MAF: variants seen among roughly 807,000 people sequenced by gnomAD.
MAF encodes transcription factor Maf.
MAF carries 10 observed loss-of-function variants against 22.0 expected under a neutral mutation model. The observed-to-expected ratio is 0.45, with a 90% CI of 0.28 to 0.77. The LOEUF (loss-of-function observed/expected upper bound fraction) is 0.77, where lower values mean the gene tolerates loss of function less well. Among genes scored for constraint, MAF ranks in the 30% least tolerant of loss-of-function variants. The pLI is 0.12. For missense variants in MAF, 544 were observed against 548.4 expected (o/e 0.99, Z 0.08); for synonymous variants, 337 against 255.8 (o/e 1.32, Z -3.03).
the MAF span, among the ~76,000 whole-genome samples, chr16:79,497,010 T>C: frequency 6.6e-6 from 1 of 152,134 alleles, no homozygotes; most frequent in South Asian, 2.1e-4. Context: ...ATTTATATGA[T>C]CAAATAAAAG....
chr16:79,588,021 G>A (rs1004696309), intron 1 of MAF, among the ~76,000 whole-genome samples: 3 of 152,192 alleles, frequency 2.0e-5, no homozygotes, highest in African/African-American at 7.2e-5. Flanking sequence ...AGATTTTCGA[G>A]CTGGGCCGCA....
the MAF span, among the ~76,000 whole-genome samples, chr16:79,359,037 G>T: frequency 6.6e-6 from 1 of 152,176 alleles, no homozygotes; most frequent in African/African-American, 2.4e-5. Context: ...CCTGAATAAG[G>T]CAGAATCTAG....
At chr16:79,361,948 A>G in the MAF span, among the ~76,000 whole-genome samples, 1 of 152,196 alleles carries the variant, frequency 6.6e-6, no homozygotes, top group Non-Finnish European at 1.5e-5. Flanking sequence ...AATAATTGCT[A>G]TTTTGTTAAA....
At chr16:79,418,185 G>A in the MAF span, among the ~76,000 whole-genome samples, 1 of 152,158 alleles carries the variant, frequency 6.6e-6, no homozygotes, top group Non-Finnish European at 1.5e-5. Flanking sequence ...AGGCTCCAGC[G>A]CGGCTGGGCT....
At chr16:79,561,500 T>C in the MAF span, among the ~76,000 whole-genome samples, 1 of 143,026 alleles carries the variant, frequency 7.0e-6, no homozygotes, top group South Asian at 2.4e-4. Flanking sequence ...CGGTGTGTGA[T>C]GTTCCCCTTC....
the MAF span, among the ~76,000 whole-genome samples, chr16:79,448,389 T>C: frequency 2.0e-5 from 3 of 152,066 alleles, no homozygotes; most frequent in African/African-American, 7.2e-5. Context: ...TTTTTTTTTT[T>C]TTTTTAGCAA....
the MAF span, among the ~76,000 whole-genome samples, chr16:79,505,450 T>G: frequency 6.6e-6 from 1 of 152,084 alleles, no homozygotes; most frequent in Non-Finnish European, 1.5e-5. Flanking sequence ...AGATTAAAAT[T>G]TATAAAAAGG....
chr16:79,425,347 T>C, the MAF span, among the ~76,000 whole-genome samples: 3 of 152,132 alleles, frequency 2.0e-5, no homozygotes, highest in South Asian at 6.2e-4. Flanking sequence ...CTATCTGGAG[T>C]GTGGCCTCTA....
the MAF span, among the ~76,000 whole-genome samples, chr16:79,215,137 G>A: frequency 6.6e-6 from 1 of 152,202 alleles, no homozygotes; most frequent in Non-Finnish European, 1.5e-5. Context: ...AATTGATAGA[G>A]CTGCAGTTCA....
chr16:79,345,253 C>T, the MAF span, among the ~76,000 whole-genome samples: 1 of 152,136 alleles, frequency 6.6e-6, no homozygotes. Flanking sequence ...AACTCTTGAC[C>T]ACCCTATTGT....
chr16:79,367,122 G>A, the MAF span, among the ~76,000 whole-genome samples: 65 of 152,214 alleles, frequency 4.3e-4, no homozygotes, highest in South Asian at 3.7e-3. Flanking sequence ...GTGCAAAGAT[G>A]AGCCATATAC....
the MAF span, among the ~76,000 whole-genome samples, chr16:79,433,119 G>C: frequency 1.3e-5 from 2 of 151,958 alleles, no homozygotes; most frequent in Non-Finnish European, 2.9e-5. Flanking sequence ...CACATATCAT[G>C]GTCCCTTTGC....
chr16:79,350,298 C>T, the MAF span, among the ~76,000 whole-genome samples: 19 of 152,266 alleles, frequency 1.2e-4, no homozygotes, highest in East Asian at 3.3e-3. Context: ...CAGCAATAGG[C>T]CTTGGAGTTA....
chr16:79,445,275 C>T, the MAF span, among the ~76,000 whole-genome samples: 1 of 151,990 alleles, frequency 6.6e-6, no homozygotes, highest in African/African-American at 2.4e-5. Flanking sequence ...GATCTCCTGA[C>T]CTCGTGATCT....
chr16:79,572,731 G>T, the MAF span, among the ~76,000 whole-genome samples: 21 of 152,010 alleles, frequency 1.4e-4, no homozygotes, highest in Non-Finnish European at 2.8e-4. Context: ...CTTGATCTGC[G>T]CCCTGTCTAC....
At chr16:79,254,655 A>C in the MAF span, among the ~76,000 whole-genome samples, 14 of 152,138 alleles carry the variant, frequency 9.2e-5, no homozygotes, top group African/African-American at 3.4e-4. Context: ...TGCTTCTTCT[A>C]ACTGGTCTGG....
the MAF span, among the ~76,000 whole-genome samples, chr16:79,209,322 G>A: frequency 6.6e-6 from 1 of 152,188 alleles, no homozygotes; most frequent in Non-Finnish European, 1.5e-5. Context: ...TACCATTCCA[G>A]TAATGCAAGA....
At chr16:79,269,532 A>T in the MAF span, among the ~76,000 whole-genome samples, 3 of 151,714 alleles carry the variant, frequency 2.0e-5, no homozygotes, top group East Asian at 1.9e-4. Context: ...ACCAGGCTTT[A>T]AAAAAAAATC....
At chr16:79,549,242 G>A in the MAF span, among the ~76,000 whole-genome samples, 5,211 of 152,176 alleles carry the variant, frequency 0.034, 314 homozygotes, top group African/African-American at 0.12. Context: ...CCAACATAGT[G>A]CAGAGTGCTG....
Sources: gnomAD v4.1 joint callset for allele counts (sites outside exome capture counted in the v4.1 genomes callset) on GRCh38, gnomAD v4.1.1 for gene constraint, MANE v1.5 for transcripts, NCBI Gene and HGNC (gene_info 2026-07-23, HGNC 2026-07-21) for gene names.